The following NUP210L variants were observed in gnomAD, a reference collection of about 807,000 sequenced individuals.
NUP210L encodes nuclear pore membrane glycoprotein 210-like.
Under a neutral mutation model 208.5 loss-of-function variants are expected in NUP210L, and 74 were observed. The ratio of observed to expected loss-of-function variants is 0.35; its 90% CI spans 0.29 to 0.43. NUP210L has a LOEUF of 0.43. Ranked by LOEUF, NUP210L falls within the 20% of genes least tolerant of loss-of-function variation. The probability of loss-of-function intolerance (pLI) is 1.00; values close to 1 mark genes in which losing one functional copy is unlikely to be tolerated. For missense variants in NUP210L, 1,843 were observed against 2,289.4 expected, an observed-to-expected ratio of 0.81 and a Z score of 3.98; for synonymous variants, 780 against 816.9, an observed-to-expected ratio of 0.95 and a Z score of 0.77.
chr1:154,155,012 T>C (rs1381288819), exon 1 of NUP210L: 10 of 1,612,352 alleles, frequency 6.2e-6, no homozygotes, highest in Non-Finnish European at 8.5e-6. Flanking sequence ...GCCCGAAGCC[T>C]CGGCGTCTTG....
intron 12 of NUP210L, among the ~76,000 whole-genome samples, chr1:154,109,462 A>G (rs548869141): frequency 4.0e-5 from 6 of 151,700 alleles, no homozygotes; most frequent in Admixed American, 6.6e-5. Context: ...TCAACACCCT[A>G]CTTTCAACAA....
At chr1:154,097,078 A>C (rs907561625) in intron 14 of NUP210L, among the ~76,000 whole-genome samples, 9 of 152,138 alleles carry the variant, frequency 5.9e-5, no homozygotes, top group African/African-American at 2.2e-4. Flanking sequence ...TGTCTCAAAA[A>C]AAAAAATTTT....
In NUP210L at chr1:154,095,017, C is replaced by T. The variant is rs750022458; in HGVS notation, c.2105G>A (p.Gly702Glu). Residue 702 changes from glycine to glutamate, a missense_variant, in exon 15 of 40, where the codon GGA becomes GAA. By Grantham distance (98) the Gly-to-Glu change is moderately conservative (BLOSUM62 -2). Around this residue, in one of 5 missense-constraint regions of NUP210L, gnomAD observed 408 missense variants for 600.8 expected, o/e 0.68. Coordinates refer to ENST00000368559, the Ensembl canonical transcript of NUP210L. ...AGATGGCAGCCACACTTGTGCTATT[C>T]CAATCTTCTCTGTCTTCTCCGCATT... is the stretch of plus-strand genomic sequence containing the variant. 8.7e-6 allele frequency: 14 copies of T among 1,614,010 alleles called. No homozygotes were observed. The highest frequency in any genetic ancestry group is 1.6e-4 in the Middle Eastern group (1 of 6,084).
At chr1:154,146,332 G>A (rs1659109585) in intron 2 of NUP210L, among the ~76,000 whole-genome samples, 1 of 152,138 alleles carries the variant, frequency 6.6e-6, no homozygotes, top group South Asian at 2.1e-4. Flanking sequence ...TAACTGGGAA[G>A]AAGTTGTTTG....
intron 33 of NUP210L, among the ~76,000 whole-genome samples, chr1:154,014,509 A>G (rs1410836076): frequency 6.6e-6 from 1 of 151,916 alleles, no homozygotes; most frequent in Non-Finnish European, 1.5e-5. Context: ...TGTTATCCAA[A>G]TTTTCCCTCT....
chr1:154,121,053 T>G (rs948025776), intron 10 of NUP210L, among the ~76,000 whole-genome samples: 3 of 152,138 alleles, frequency 2.0e-5, no homozygotes, highest in African/African-American at 7.2e-5. Context: ...CTTTTAGATC[T>G]CTTATGGGGA....
chr1:154,117,586 A>G (rs1557988362), intron 12 of NUP210L, 139 bp downstream of exon 12: 3 of 653,838 alleles, frequency 4.6e-6, no homozygotes, highest in Non-Finnish European at 7.4e-6. Context: ...TCTGTCTCCA[A>G]AAAAAAAAGT....
At chr1:154,035,409 T>A (rs908820833) in intron 27 of NUP210L, among the ~76,000 whole-genome samples, 1 of 151,802 alleles carries the variant, frequency 6.6e-6, no homozygotes, top group Non-Finnish European at 1.5e-5. Flanking sequence ...CTACTTTTTT[T>A]TTTTTGAGAT....
At chr1:154,153,395 C>T (rs1347163746) in intron 1 of NUP210L, among the ~76,000 whole-genome samples, 1 of 152,154 alleles carries the variant, frequency 6.6e-6, no homozygotes, top group Non-Finnish European at 1.5e-5. Context: ...CTGCAACATT[C>T]GCCTCCAGGG....
chr1:154,149,099 T>TTTTTTTTTTTTTTTTA (rs397789894), intron 2 of NUP210L, among the ~76,000 whole-genome samples: 1 of 150,472 alleles, frequency 6.6e-6, no homozygotes, highest in Non-Finnish European at 1.5e-5. Flanking sequence ...TTTTTTTTTT[T>TTTTTTTTTTTTTTTTA]CCTGAGAAGG....
rs553744630 is a variant in NUP210L at position 154,040,736 on chromosome 1, G to A, written c.3696+5333C>T. ...CAAGTAGCTGGGACTACAGGCGCCC[G>A]CCACCATTCCCGGCTAAATTTTTTT... is the stretch of plus-strand genomic sequence containing the variant. On this transcript the variant is annotated intron_variant, in intron 27 of 39. Transcript: ENST00000368559. Among the ~76,000 whole-genome samples the A allele has an allele frequency of 3.9e-5, 6 of 151,964 alleles. No individual in the cohort carries two copies. The East Asian group carries it at 7.8e-4, about 20-fold the overall frequency.
exon 9 of NUP210L, chr1:154,127,411 G>T: frequency 1.3e-6 from 2 of 1,530,744 alleles, no homozygotes; most frequent in Non-Finnish European, 1.8e-6. Context: ...AGGTTGGACA[G>T]TGAAACCTAT....
chr1:154,100,753 T>TGTG (rs1432489157), intron 13 of NUP210L, among the ~76,000 whole-genome samples: 1 of 151,178 alleles, frequency 6.6e-6, no homozygotes, highest in African/African-American at 2.4e-5. Flanking sequence ...CTCCTGACCC[T>TGTG]GTGATCCACC....
chr1:154,118,292 A>G (rs1182640584), intron 11 of NUP210L, among the ~76,000 whole-genome samples: 1 of 152,148 alleles, frequency 6.6e-6, no homozygotes, highest in Non-Finnish European at 1.5e-5. Flanking sequence ...CTGGGCAACA[A>G]GAGCAAAACT....
At chr1:154,051,358 C>A (rs188847526) in intron 25 of NUP210L, among the ~76,000 whole-genome samples, 6 of 151,982 alleles carry the variant, frequency 3.9e-5, no homozygotes, top group Non-Finnish European at 8.8e-5. Flanking sequence ...TACAGGCACC[C>A]GCTACCACAC....
intron 12 of NUP210L, among the ~76,000 whole-genome samples, chr1:154,110,900 C>T (rs1422615431): frequency 6.7e-6 from 1 of 150,120 alleles, no homozygotes; most frequent in Non-Finnish European, 1.5e-5. Context: ...AACAAAACTG[C>T]AAAAGCAAGA....
intron 16 of NUP210L, among the ~76,000 whole-genome samples, chr1:154,080,979 A>AAAAAAAAAAGAAAAG (rs756689627): frequency 6.6e-6 from 1 of 151,646 alleles, no homozygotes; most frequent in Non-Finnish European, 1.5e-5. Flanking sequence ...GCTTCCGAAA[A>AAAAAAAAAAGAAAAG]AAAAAAAAAG....
chr1:154,051,037 CTGA>C (rs1406275874), intron 25 of NUP210L, among the ~76,000 whole-genome samples: 1 of 152,194 alleles, frequency 6.6e-6, no homozygotes, highest in Non-Finnish European at 1.5e-5. Context: ...CAATTCCACA[CTGA>C]TGAGCAACTG....
chr1:154,111,244 G>T (rs993915820), intron 12 of NUP210L, among the ~76,000 whole-genome samples: 1 of 151,168 alleles, frequency 6.6e-6, no homozygotes, highest in East Asian at 1.9e-4. Context: ...TTAGCCAGGC[G>T]TGGTAGCAGG....
Sources: allele counts gnomAD v4.1 joint callset (sites outside exome capture counted in the v4.1 genomes callset), GRCh38; gene constraint gnomAD v4.1.1; regional missense constraint gnomAD v4.1.1; transcripts MANE v1.5; gene names NCBI Gene and HGNC (gene_info 2026-07-23, HGNC 2026-07-21).